Variants in DNAJB6 observed in about 807,000 individuals in gnomAD.
DNAJB6 encodes dnaJ homolog subfamily B member 6.
In DNAJB6, 16 loss-of-function variants were observed where a neutral mutation model predicts 42.7. The observed-to-expected ratio is 0.37, with a 90% CI of 0.25 to 0.57. The LOEUF (loss-of-function observed/expected upper bound fraction) is 0.57, where lower values mean the gene tolerates loss of function less well. DNAJB6 is among the 20% of genes least tolerant of loss of function. The probability of loss-of-function intolerance (pLI) is 0.74; values close to 1 mark genes in which losing one functional copy is unlikely to be tolerated. For missense variants in DNAJB6, 347 were observed against 416.8 expected, an observed-to-expected ratio of 0.83 and a Z score of 1.46; for synonymous variants, 170 against 163.5, an observed-to-expected ratio of 1.04 and a Z score of -0.30.
chr7:157,365,972 C>T (rs866878400), intron 3 of DNAJB6, among the ~76,000 whole-genome samples: 7 of 149,994 alleles, frequency 4.7e-5, no homozygotes, highest in Admixed American at 2.7e-4. Flanking sequence ...CTAAGTCCCC[C>T]CCGCGCCTAC....
intron 3 of DNAJB6, among the ~76,000 whole-genome samples, chr7:157,363,790 A>T (rs1036939962): frequency 1.3e-5 from 2 of 152,136 alleles, no homozygotes; most frequent in Non-Finnish European, 2.9e-5. Flanking sequence ...GAGGTGTTCT[A>T]TGTTACTGGA....
intron 8 of DNAJB6, among the ~76,000 whole-genome samples, chr7:157,406,985 C>T (rs1563152047): frequency 6.6e-6 from 1 of 152,228 alleles, no homozygotes; most frequent in African/African-American, 2.4e-5. Context: ...CCTGGCCCTC[C>T]CCAGGCGATG....
intron 5 of DNAJB6, among the ~76,000 whole-genome samples, chr7:157,368,446 C>T (rs781454922): frequency 2.0e-5 from 3 of 152,136 alleles, no homozygotes; most frequent in Non-Finnish European, 4.4e-5. Flanking sequence ...TGAGAGTTTG[C>T]GGAAAGGCAC....
intron 5 of DNAJB6, among the ~76,000 whole-genome samples, chr7:157,373,255 C>T (rs1158353771): frequency 2.0e-5 from 3 of 152,208 alleles, no homozygotes; most frequent in Non-Finnish European, 4.4e-5. Flanking sequence ...CATCATATTT[C>T]TAACGGGTAG....
chr7:157,366,538 A>C lies in DNAJB6; in HGVS notation c.212A>C (p.Glu71Ala). 1 of 1,614,060 alleles carries C rather than the reference A, an allele frequency of 6.2e-7. No individual in the cohort carries two copies. Among genetic ancestry groups the C allele is most frequent in the South Asian group, 1.1e-5 (1 of 91,060 alleles). The change falls in exon 4 of 10, where the codon GAA becomes GCA. Residue 71 changes from glutamate (E) to alanine (A), a missense_variant. This residue lies in a region of DNAJB6 where 78 missense variants were observed against 102.1 expected (regional missense o/e 0.76). Coordinates refer to ENST00000262177, the MANE Select transcript of DNAJB6 (RefSeq NM_058246.4). ...GACATCTATGACAAATATGGCAAAG[A>C]AGGATTAAATGGTGGAGGAGGAGGT... ...KRDIYDKYGK[E>A]GLNGGGGGGS...
chr7:157,413,451 T>G (rs1399622291), intron 9 of DNAJB6: 1 of 152,180 alleles, frequency 6.6e-6, no homozygotes, highest in Non-Finnish European at 1.5e-5. Context: ...AGCTCGAAGT[T>G]TGTCTTTTTA....
At chr7:157,358,840 G>T (rs1336806528) in intron 2 of DNAJB6, among the ~76,000 whole-genome samples, 2 of 152,116 alleles carry the variant, frequency 1.3e-5, no homozygotes, top group Non-Finnish European at 2.9e-5. Context: ...CAGTCACTTG[G>T]TTTATATCTG....
intron 1 of DNAJB6, among the ~76,000 whole-genome samples, chr7:157,350,346 G>C (rs1200525823): frequency 1.3e-5 from 2 of 152,142 alleles, no homozygotes; most frequent in African/African-American, 4.8e-5. Flanking sequence ...CCAAGATAAA[G>C]CCCCCAAATA....
At chr7:157,357,554 A>G (rs1799372637) in intron 1 of DNAJB6, among the ~76,000 whole-genome samples, 1 of 151,228 alleles carries the variant, frequency 6.6e-6, no homozygotes, top group Non-Finnish European at 1.5e-5. Context: ...CAAGTGATCC[A>G]CCTCCCTCGG....
At chr7:157,371,579 G>A (rs992043402) in intron 5 of DNAJB6, among the ~76,000 whole-genome samples, 1 of 152,258 alleles carries the variant, frequency 6.6e-6, no homozygotes, top group Non-Finnish European at 1.5e-5. Flanking sequence ...CAGCCTGGAA[G>A]GAATGCTGCC....
At chr7:157,395,398 T>G (rs1238078847) in intron 8 of DNAJB6, among the ~76,000 whole-genome samples, 1 of 152,250 alleles carries the variant, frequency 6.6e-6, no homozygotes, top group Non-Finnish European at 1.5e-5. Flanking sequence ...CATGGGCAGC[T>G]TCTCTGTTTT....
chr7:157,349,813 T>C (rs373447850), intron 1 of DNAJB6, among the ~76,000 whole-genome samples: 1 of 151,952 alleles, frequency 6.6e-6, no homozygotes, highest in African/African-American at 2.4e-5. Flanking sequence ...CCCAGCTGAT[T>C]TTTGTATTTT....
intron 5 of DNAJB6, among the ~76,000 whole-genome samples, chr7:157,374,512 G>GT (rs1800376528): frequency 6.6e-6 from 1 of 152,136 alleles, no homozygotes; most frequent in East Asian, 1.9e-4. Context: ...ACCCACCTCG[G>GT]CCACCCAGAG....
At chr7:157,351,163 A>ATATTG (rs1798951575) in intron 1 of DNAJB6, among the ~76,000 whole-genome samples, 2 of 151,654 alleles carry the variant, frequency 1.3e-5, no homozygotes, top group African/African-American at 4.8e-5. Flanking sequence ...CGAACTCTCT[A>ATATTG]CCTCAGGTGA....
chr7:157,390,208 C>G (rs2117116217), intron 8 of DNAJB6, among the ~76,000 whole-genome samples: 1 of 152,260 alleles, frequency 6.6e-6, no homozygotes, highest in African/African-American at 2.4e-5. Context: ...GGCTTACTCC[C>G]CACACCCCTC....
At chr7:157,373,175 AC>A (rs1800302273) in intron 5 of DNAJB6, among the ~76,000 whole-genome samples, 2 of 152,248 alleles carry the variant, frequency 1.3e-5, no homozygotes, top group African/African-American at 4.8e-5. Context: ...CAGTAAGGTC[AC>A]ATTCACAGGT....
At chr7:157,389,655 A>C (rs1801244859) in intron 8 of DNAJB6, among the ~76,000 whole-genome samples, 1 of 152,182 alleles carries the variant, frequency 6.6e-6, no homozygotes, top group South Asian at 2.1e-4. Flanking sequence ...AATGGTTGAA[A>C]TGGGGTAGAC....
chr7:157,349,993 T>G (rs1295253224), intron 1 of DNAJB6, among the ~76,000 whole-genome samples: 2 of 152,174 alleles, frequency 1.3e-5, no homozygotes, highest in African/African-American at 2.4e-5. Context: ...CTCCCTTTGT[T>G]GTCCAGGCTG....
intron 1 of DNAJB6, among the ~76,000 whole-genome samples, chr7:157,345,722 A>C (rs998716682): frequency 1.3e-5 from 2 of 152,158 alleles, no homozygotes; most frequent in African/African-American, 4.8e-5. Flanking sequence ...ATTGTGTATA[A>C]TTTTAATGAC....
Sources: gnomAD v4.1 joint callset for allele counts (sites outside exome capture counted in the v4.1 genomes callset) on GRCh38, gnomAD v4.1.1 for gene constraint, gnomAD v4.1.1 regional missense constraint, MANE v1.5 for transcripts, NCBI Gene and HGNC (gene_info 2026-07-23, HGNC 2026-07-21) for gene names.